NBPF9: variants seen among roughly 807,000 people sequenced by gnomAD.
The protein encoded by NBPF9 is NBPF family member NBPF9.
NBPF9 carries 91 observed loss-of-function variants against 97.8 expected under a neutral mutation model. The ratio of observed to expected loss-of-function variants is 0.93; its 90% CI spans 0.79 to 1.11. The LOEUF is 1.11. NBPF9 is among the 50% of genes least tolerant of loss of function. NBPF9 has a pLI of 0.00. For synonymous variants in NBPF9, 334 were observed against 359.5 expected (o/e 0.93, Z 0.80); for missense variants, 992 against 939.5 (o/e 1.06, Z -0.73).
At chr1:149,077,820 T>C (rs1398008720) in intron 10 of NBPF9, 63 bp downstream of exon 10, 7 of 1,592,274 alleles carry the variant, frequency 4.4e-6, no homozygotes, top group East Asian at 2.2e-5. Context: ...CCAGAGAGGG[T>C]GTGCCTCCTA....
intron 5 of NBPF9, among the ~76,000 whole-genome samples, chr1:149,087,582 CATT>C (rs1250837781): frequency 1.3e-5 from 2 of 149,586 alleles, no homozygotes; most frequent in Admixed American, 6.7e-5. Context: ...TATTCTTGAT[CATT>C]GACATTACCA....
chr1:149,063,694 G>C (rs1436138530), exon 20 of NBPF9: 8 of 610,358 alleles, frequency 1.3e-5, no homozygotes, highest in South Asian at 5.8e-5. Context: ...CACTTCTGTA[G>C]GGCTGGCATG....
At chr1:149,067,377 T>A (rs1432113226) in intron 17 of NBPF9, among the ~76,000 whole-genome samples, 8 of 130,342 alleles carry the variant, frequency 6.1e-5, no homozygotes, top group African/African-American at 1.8e-4. Flanking sequence ...TAGTTACATA[T>A]GTATACATGT....
At chr1:149,078,902 G>T in intron 9 of NBPF9, 105 bp downstream of exon 9, 1 of 1,589,518 alleles carries the variant, frequency 6.3e-7, no homozygotes, top group Admixed American at 1.7e-5. Context: ...CATATGTGTA[G>T]CAGAAAAAAA....
chr1:149,084,120 G>A (rs2080768037), intron 5 of NBPF9, among the ~76,000 whole-genome samples: 1 of 150,844 alleles, frequency 6.6e-6, no homozygotes, highest in Non-Finnish European at 1.5e-5. Context: ...CTTGGACACA[G>A]GACGGGGAAC....
intron 14 of NBPF9, among the ~76,000 whole-genome samples, chr1:149,072,419 A>C (rs1404537847): frequency 1.3e-5 from 2 of 152,068 alleles, no homozygotes; most frequent in East Asian, 3.9e-4. Flanking sequence ...AGCTCTTTTC[A>C]CTCTAACAAG....
intron 4 of NBPF9, among the ~76,000 whole-genome samples, chr1:149,097,519 A>C (rs1285010881): frequency 2.0e-5 from 3 of 152,176 alleles, no homozygotes; most frequent in Admixed American, 6.5e-5. Context: ...GAAGCTGCCC[A>C]GCTGCAGGTG....
chr1:149,058,887 C>T (rs2152865201), intron 26 of NBPF9, 38 bp downstream of exon 26: 1 of 612,656 alleles, frequency 1.6e-6, no homozygotes, highest in East Asian at 2.7e-5. Flanking sequence ...TCTGGAAGAC[C>T]AGGTGGAGGC....
In NBPF9 at chr1:149,071,517, C is replaced by A. The variant is rs1329139326; in HGVS notation, c.1379+87G>T. The A allele has an allele frequency of 8.2e-6, 9 of 1,094,802 alleles. 1 individual carries two copies. The highest frequency in any genetic ancestry group is 3.8e-5 in the South Asian group (3 of 78,158). The allele number at this position is 1,094,802 out of a possible 1,614,324, so 67.8% of individuals were successfully genotyped here. ...TGGCCAAGCGAATGCGGGTTTTTGG[C>A]CCATCATAGATGCCAGAGAGGGTGT... On this transcript the variant is annotated intron_variant, in intron 15 of 29. Coordinates refer to ENST00000584027, the Ensembl canonical transcript of NBPF9.
chr1:149,079,021 T>C, exon 9 of NBPF9: 2 of 1,513,758 alleles, frequency 1.3e-6, no homozygotes, highest in South Asian at 1.1e-5. Flanking sequence ...GCTGAGCTTT[T>C]GGACAAGGTG....
rs782693912 is a variant in NBPF9 at position 149,082,026 on chromosome 1, G to A, written c.114C>T (p.Leu38=). Residue 38 remains leucine (L), a synonymous_variant, in exon 7 of 30, where the codon CTC becomes CTT. Transcript: ENST00000584027. ...GTTGAGTTAGAAAACATCTCTCTTTGAGGTTTCCGAACTGCTGTTTGTTCT... is the reference window on the plus strand; with the variant it reads ...GTTGAGTTAGAAAACATCTCTCTTTAAGGTTTCCGAACTGCTGTTTGTTCT... 12 of 1,609,736 alleles carry A rather than the reference G, an allele frequency of 7.5e-6. No homozygotes were observed. In the Admixed American group the frequency reaches 1.2e-4, roughly 16 times the overall value.
Position 149,082,127 on chromosome 1 carries a change from C to T in NBPF9, c.13G>A (p.Ala5Thr). ...GCCTTCTCGCTGGACCAAGGGCCGG[C>T]TGATACCACCATGCTGACGTTTGTG... The change falls in exon 7 of 30, where the codon GCC (alanine) becomes ACC (threonine). Residue 5 changes from alanine to threonine, a missense_variant. Coordinates refer to ENST00000584027, the Ensembl canonical transcript of NBPF9. 4 of 1,611,954 alleles carry T rather than the reference C, an allele frequency of 2.5e-6. No individual in the cohort carries two copies. The South Asian group carries it at 4.4e-5, about 18-fold the overall frequency.
At chr1:149,089,921 C>T (rs1194912630) in intron 5 of NBPF9, among the ~76,000 whole-genome samples, 10 of 152,218 alleles carry the variant, frequency 6.6e-5, no homozygotes, top group East Asian at 1.9e-4. Flanking sequence ...AACCACAGAC[C>T]GCACGGCCCC....
chr1:149,080,034 C>T lies in NBPF9; in HGVS notation c.278+19G>A. The T allele has an allele frequency of 2.5e-6, 4 of 1,584,402 alleles. No homozygotes were observed. The highest frequency in any genetic ancestry group is 4.5e-5 in the East Asian group (2 of 44,766). On this transcript the variant is annotated intron_variant, in intron 8 of 29. Coordinates refer to ENST00000584027, the Ensembl canonical transcript of NBPF9. ...TCTACACACCTACCCGCCTGCCTCC[C>T]CCCACGGGGTCCCCTCACCTGAGCT...
At position 149,098,573 on chromosome 1, in the gene NBPF9, C is replaced by T. The variant is rs1214174684; in HGVS notation, c.-472G>A. The T allele has an allele frequency of 6.4e-5, 93 of 1,444,474 alleles. No homozygotes were observed. In the African/African-American group the frequency reaches 1.1e-3, roughly 18 times the overall value. The allele number at this position is 1,444,474 out of a possible 1,614,324, so 89.5% of individuals were successfully genotyped here. A position where few individuals can be genotyped will look rare whatever the true frequency, so the allele number is the denominator to read the frequency against. On this transcript the variant is annotated 5_prime_UTR_variant, in exon 4 of 30. Coordinates refer to ENST00000584027, the Ensembl canonical transcript of NBPF9. The stretch of plus-strand genomic sequence containing the variant: ...GGACAGTGGGAATTGGTGGCACCCC[C>T]AGCATGGAGGCCAAGAACACACAGC...
intron 1 of NBPF9, among the ~76,000 whole-genome samples, 162 bp from the exon 2 acceptor site, chr1:149,103,009 C>T (rs587693062): frequency 1.3e-5 from 2 of 151,764 alleles, no homozygotes; most frequent in Non-Finnish European, 2.9e-5. Context: ...TACACGAGGA[C>T]GTGCCCCCGA....
chr1:149,072,887 C>G, exon 14 of NBPF9: 1 of 1,607,110 alleles, frequency 6.2e-7, no homozygotes, highest in African/African-American at 1.3e-5. Flanking sequence ...TCTCCCTTAA[C>G]TGGGTCAGCT....
exon 30 of NBPF9, chr1:149,054,232 A>G (rs2078069776): frequency 7.9e-6 from 1 of 126,370 alleles, no homozygotes; most frequent in Non-Finnish European, 1.7e-5. Context: ...TTGCAACAGC[A>G]GACACTAGTA....
At chr1:149,062,976 A>G (rs1348810905) in intron 20 of NBPF9, 63 bp from the exon 21 acceptor site, 6 of 739,198 alleles carry the variant, frequency 8.1e-6, no homozygotes, top group South Asian at 1.4e-5. Flanking sequence ...ATAACAATCC[A>G]CTGTCTAATC....
Sources: gnomAD v4.1 joint callset for allele counts (sites outside exome capture counted in the v4.1 genomes callset) on GRCh38, gnomAD v4.1.1 for gene constraint, MANE v1.5 for transcripts, NCBI Gene and HGNC (gene_info 2026-07-23, HGNC 2026-07-21) for gene names.